The following ASTN2 variants were observed in gnomAD, a reference collection of about 807,000 sequenced individuals.
ASTN2 encodes the protein astrotactin-2.
In ASTN2, 54 loss-of-function variants were observed where a neutral mutation model predicts 139.8. The ratio of observed to expected loss-of-function variants is 0.39; its 90% CI spans 0.31 to 0.48. The LOEUF is 0.48. Among genes scored for constraint, ASTN2 ranks in the 20% least tolerant of loss-of-function variants. The probability of loss-of-function intolerance (pLI) is 0.95; values close to 1 mark genes in which losing one functional copy is unlikely to be tolerated. For missense variants in ASTN2, 1,565 were observed against 1,725.1 expected, an observed-to-expected ratio of 0.91 and a Z score of 1.64; for synonymous variants, 756 against 719.5, an observed-to-expected ratio of 1.05 and a Z score of -0.81.
chr9:116,712,060 A>C (rs958544291), intron 16 of ASTN2, among the ~76,000 whole-genome samples: 12 of 152,200 alleles, frequency 7.9e-5, no homozygotes, highest in African/African-American at 2.9e-4. Flanking sequence ...TGGTCTATAC[A>C]TCCCAGTGGG....
At chr9:117,201,039 C>T (rs1831699156) in intron 3 of ASTN2, among the ~76,000 whole-genome samples, 1 of 118,700 alleles carries the variant, frequency 8.4e-6, no homozygotes, top group Non-Finnish European at 1.7e-5. Flanking sequence ...TTAATTACTG[C>T]CTCAATTTCA....
chr9:116,510,627 T>C (rs1428678558), intron 19 of ASTN2, among the ~76,000 whole-genome samples: 1 of 152,206 alleles, frequency 6.6e-6, no homozygotes, highest in African/African-American at 2.4e-5. Flanking sequence ...ATTCTTCCTA[T>C]CCATGAGCAT....
At chr9:116,920,700 C>T (rs974208083) in intron 10 of ASTN2, among the ~76,000 whole-genome samples, 1 of 152,140 alleles carries the variant, frequency 6.6e-6, no homozygotes, top group South Asian at 2.1e-4. Context: ...AGAACAATAC[C>T]AGGACCCCGG....
intron 16 of ASTN2, among the ~76,000 whole-genome samples, chr9:116,677,451 C>G (rs1859578371): frequency 6.6e-6 from 1 of 152,072 alleles, no homozygotes; most frequent in Non-Finnish European, 1.5e-5. Context: ...AATTACTTGG[C>G]ATTATGAGAG....
intron 3 of ASTN2, among the ~76,000 whole-genome samples, chr9:117,157,602 A>G (rs1830459124): frequency 6.6e-6 from 1 of 152,070 alleles, no homozygotes; most frequent in Non-Finnish European, 1.5e-5. Flanking sequence ...ACAGGGACTG[A>G]AGCAACACTT....
At chr9:117,127,850 T>C (rs1021717625) in intron 4 of ASTN2, among the ~76,000 whole-genome samples, 1 of 151,840 alleles carries the variant, frequency 6.6e-6, no homozygotes, top group African/African-American at 2.4e-5. Context: ...CCACCTAATT[T>C]TTTGTATTTT....
chr9:116,502,367 G>T (rs1849895403), intron 19 of ASTN2, among the ~76,000 whole-genome samples: 1 of 151,316 alleles, frequency 6.6e-6, no homozygotes, highest in South Asian at 2.1e-4. Context: ...GACCAAGAGA[G>T]AACTACAGCC....
intron 16 of ASTN2, among the ~76,000 whole-genome samples, chr9:116,666,687 G>A (rs1308238118): frequency 6.6e-6 from 1 of 151,810 alleles, no homozygotes; most frequent in Non-Finnish European, 1.5e-5. Context: ...GAGAAAAGGG[G>A]TTATAGTCTT....
At position 117,340,511 on chromosome 9, in the gene ASTN2, T is replaced by C. The variant is rs538623471; in HGVS notation, c.443-48998A>G. ...ACATCAAGGGCTCAATAATAACTAC[T>C]CTCTACCACGCTAAGACCTGTGGGG... On this transcript the variant is annotated intron_variant, in intron 1 of 22. Coordinates refer to ENST00000313400, the MANE Select transcript of ASTN2 (RefSeq NM_001365068.1). Among the ~76,000 whole-genome samples, 311 of 151,894 alleles carry C rather than the reference T, an allele frequency of 2.0e-3. 1 individual carries two copies. The highest frequency in any genetic ancestry group is 7.1e-3 in the African/African-American group (296 of 41,420).
Position 116,425,820 on chromosome 9 carries a change from T to A in ASTN2, c.*31A>T. The stretch of plus-strand genomic sequence containing the variant: ...ATACTGCTCCCCCTCCCATGGAGAG[T>A]CTCTGTGCTCACGGAGGGCAATACC... On this transcript the variant is annotated 3_prime_UTR_variant, in exon 23 of 23. Coordinates refer to ENST00000313400, the MANE Select transcript of ASTN2 (RefSeq NM_001365068.1). 1.9e-6 allele frequency: 3 copies of A among 1,612,410 alleles called. No homozygotes were observed. Among genetic ancestry groups the A allele is most frequent in the Non-Finnish European group, 2.5e-6 (3 of 1,179,480 alleles).
chr9:116,699,195 G>C lies in ASTN2; in HGVS notation c.2806+26576C>G. On this transcript the variant is annotated intron_variant, in intron 16 of 22. Transcript: ENST00000313400. The surrounding 1 kb of genome is among the most constrained non-coding windows in gnomAD (Gnocchi z 4.2). ...AGCCTTGCCATCTGGCCAGTTTGTAGTAACCGATGTGGAAGGTGGAAAGCT... is the reference window on the plus strand; with the variant it reads ...AGCCTTGCCATCTGGCCAGTTTGTACTAACCGATGTGGAAGGTGGAAAGCT... The C allele has an allele frequency of 6.2e-7, 1 of 1,614,260 alleles. No homozygotes were observed. Among genetic ancestry groups the C allele is most frequent in the Non-Finnish European group, 8.5e-7 (1 of 1,180,054 alleles).
At chr9:116,542,477 T>C (rs1466730625) in intron 19 of ASTN2, among the ~76,000 whole-genome samples, 3 of 152,106 alleles carry the variant, frequency 2.0e-5, no homozygotes, top group Non-Finnish European at 2.9e-5. Context: ...GCAAGGGTAT[T>C]AGAAAAAAAT....
intron 4 of ASTN2, among the ~76,000 whole-genome samples, chr9:117,099,281 G>T (rs1035012459): frequency 4.6e-5 from 7 of 152,234 alleles, no homozygotes; most frequent in Admixed American, 1.3e-4. Context: ...TCCCTGTTAG[G>T]AGGCCACCCA....
intron 4 of ASTN2, among the ~76,000 whole-genome samples, chr9:117,115,761 C>T (rs1166969626): frequency 6.6e-6 from 1 of 151,988 alleles, no homozygotes; most frequent in Non-Finnish European, 1.5e-5. Flanking sequence ...CGCGGTGGCT[C>T]ACACCTGTAA....
At chr9:116,912,494 G>T (rs532868891) in intron 10 of ASTN2, among the ~76,000 whole-genome samples, 9 of 152,272 alleles carry the variant, frequency 5.9e-5, no homozygotes, top group African/African-American at 1.7e-4. Flanking sequence ...TAATTTATAG[G>T]CTGGTTTAGG....
intron 1 of ASTN2, among the ~76,000 whole-genome samples, chr9:117,338,013 C>A (rs996025142): frequency 1.3e-5 from 2 of 152,100 alleles, no homozygotes; most frequent in Non-Finnish European, 2.9e-5. Flanking sequence ...CTAATTTTGT[C>A]CTTATTCATA....
intron 10 of ASTN2, among the ~76,000 whole-genome samples, chr9:116,968,201 C>T (rs910561786): frequency 1.3e-5 from 2 of 152,192 alleles, no homozygotes; most frequent in Non-Finnish European, 2.9e-5. Flanking sequence ...CTTTCCTACT[C>T]CTTCTTCTCT....
intron 12 of ASTN2, among the ~76,000 whole-genome samples, chr9:116,807,884 G>A (rs1252409326): frequency 6.6e-6 from 1 of 151,896 alleles, no homozygotes; most frequent in Non-Finnish European, 1.5e-5. Context: ...GGATGAGGTG[G>A]GTGGATCATG....
intron 19 of ASTN2, among the ~76,000 whole-genome samples, chr9:116,564,096 G>C (rs4836756): frequency 0.16 from 24,141 of 152,168 alleles, 2,086 homozygotes; most frequent in African/African-American, 0.21. Context: ...GCTCAGAATG[G>C]TAAAGTGACT....
Sources: gnomAD v4.1 joint callset for allele counts (sites outside exome capture counted in the v4.1 genomes callset) on GRCh38, gnomAD v4.1.1 for gene constraint, Gnocchi (gnomAD v3.1) non-coding constraint, MANE v1.5 for transcripts, NCBI Gene and HGNC (gene_info 2026-07-23, HGNC 2026-07-21) for gene names.